Variants in GALNTL6 observed in about 807,000 individuals in gnomAD.
GALNTL6 encodes the protein polypeptide N-acetylgalactosaminyltransferase like 6.
GALNTL6 carries 46 observed loss-of-function variants against 73.7 expected under a neutral mutation model. The observed-to-expected ratio is 0.62, with a 90% CI of 0.49 to 0.80. The LOEUF (loss-of-function observed/expected upper bound fraction) is 0.80, where lower values mean the gene tolerates loss of function less well. Among genes scored for constraint, GALNTL6 ranks in the 30% least tolerant of loss-of-function variants. The pLI is 0.00. For synonymous variants in GALNTL6, 259 were observed against 263.7 expected, an observed-to-expected ratio of 0.98 and a Z score of 0.17; for missense variants, 604 against 755.0, an observed-to-expected ratio of 0.80 and a Z score of 2.34.
At chr4:172,823,327 A>T (rs989399817) in intron 7 of GALNTL6, among the ~76,000 whole-genome samples, 1 of 152,146 alleles carries the variant, frequency 6.6e-6, no homozygotes, top group African/African-American at 2.4e-5. Context: ...TTCCTTCTCA[A>T]TTCAACAACT....
At position 172,435,228 on chromosome 4, in the gene GALNTL6, T is replaced by G. The variant is rs1003583213; in HGVS notation, c.553+86539T>G. 8.5e-5 allele frequency among the ~76,000 whole-genome samples: 13 copies of G among 152,268 alleles called. No individual in the cohort carries two copies. In the South Asian group the frequency reaches 2.5e-3, roughly 29 times the overall value. Reference sequence around the variant, plus strand: ...TGCACTACTTTTAAATTTGCTCTCATGCTCAAAACTCTTTGGTAGTTCTCT... The same window carrying G: ...TGCACTACTTTTAAATTTGCTCTCAGGCTCAAAACTCTTTGGTAGTTCTCT... On this transcript the variant is annotated intron_variant, in intron 5 of 12. Transcript: ENST00000506823.
At chr4:172,590,784 G>A (rs995617015) in intron 5 of GALNTL6, among the ~76,000 whole-genome samples, 4 of 152,116 alleles carry the variant, frequency 2.6e-5, no homozygotes, top group Middle Eastern at 6.8e-3. Flanking sequence ...ATTTCTGCTT[G>A]GGAAAATTCA....
intron 2 of GALNTL6, among the ~76,000 whole-genome samples, chr4:171,821,569 T>C (rs1415648283): frequency 6.6e-6 from 1 of 151,944 alleles, no homozygotes; most frequent in African/African-American, 2.4e-5. Flanking sequence ...CAGGTGATGA[T>C]ACCTTTTTTG....
At chr4:172,277,207 G>A (rs1287906397) in intron 3 of GALNTL6, among the ~76,000 whole-genome samples, 1 of 151,988 alleles carries the variant, frequency 6.6e-6, no homozygotes, top group Non-Finnish European at 1.5e-5. Context: ...TATACTCAGT[G>A]AGGAGTGGAA....
chr4:172,259,127 G>T (rs187815993), intron 3 of GALNTL6, among the ~76,000 whole-genome samples: 17 of 151,184 alleles, frequency 1.1e-4, no homozygotes, highest in East Asian at 9.7e-4. Flanking sequence ...GTACCCAGGA[G>T]TCAATGACTG....
At chr4:172,889,944 C>A (rs1014193607) in intron 8 of GALNTL6, among the ~76,000 whole-genome samples, 10 of 152,114 alleles carry the variant, frequency 6.6e-5, no homozygotes, top group African/African-American at 2.4e-4. Context: ...CGATATTCGT[C>A]TATTCAGTAT....
At chr4:172,243,654 C>A (rs1198924242) in intron 3 of GALNTL6, among the ~76,000 whole-genome samples, 1 of 152,082 alleles carries the variant, frequency 6.6e-6, no homozygotes, top group Non-Finnish European at 1.5e-5. Flanking sequence ...CTGCAAATTG[C>A]CGTAGATGAA....
chr4:172,621,428 C>G lies in GALNTL6; in HGVS notation c.554-187933C>G, dbSNP rs150065866. Among the ~76,000 whole-genome samples, 7 of 152,114 alleles carry G rather than the reference C, an allele frequency of 4.6e-5. No individual in the cohort carries two copies. The East Asian group carries it at 1.3e-3, about 29-fold the overall frequency. On this transcript the variant is annotated intron_variant, in intron 5 of 12. Transcript: ENST00000506823. ...CTTTTAAAGATTCTGCAGGTTAGTT[C>G]TTGTCTTTCACAATTGCTAGTTGGG... is the stretch of plus-strand genomic sequence containing the variant.
At chr4:172,382,719 G>T (rs1383421591) in intron 5 of GALNTL6, among the ~76,000 whole-genome samples, 4 of 151,946 alleles carry the variant, frequency 2.6e-5, no homozygotes, top group Non-Finnish European at 4.4e-5. Context: ...TAAAAGTTTT[G>T]TAATTTTGGC....
At chr4:172,040,799 A>G (rs1742067129) in intron 2 of GALNTL6, among the ~76,000 whole-genome samples, 2 of 152,060 alleles carry the variant, frequency 1.3e-5, no homozygotes, top group East Asian at 3.9e-4. Flanking sequence ...CATTGCTTTC[A>G]CACTTTGATC....
intron 5 of GALNTL6, chr4:172,666,834 G>T (rs1435398684): frequency 1.3e-5 from 2 of 152,162 alleles, no homozygotes; most frequent in East Asian, 3.9e-4. Context: ...AGAAGCACTA[G>T]TCTACGCTGT....
intron 2 of GALNTL6, among the ~76,000 whole-genome samples, chr4:171,837,201 A>G (rs1735114757): frequency 6.6e-6 from 1 of 152,176 alleles, no homozygotes; most frequent in Non-Finnish European, 1.5e-5. Context: ...AAATAGTGAA[A>G]CAGCAGACAT....
intron 2 of GALNTL6, among the ~76,000 whole-genome samples, chr4:172,211,770 G>A (rs1485275308): frequency 1.3e-5 from 2 of 152,172 alleles, no homozygotes; most frequent in South Asian, 4.1e-4. Flanking sequence ...CAGTTAAAAG[G>A]GCATTCCTCA....
intron 5 of GALNTL6, among the ~76,000 whole-genome samples, chr4:172,494,110 G>T (rs765193661): frequency 2.9e-4 from 44 of 152,174 alleles, no homozygotes; most frequent in Non-Finnish European, 5.1e-4. Context: ...TATATTCTTT[G>T]TATATAGCAA....
At chr4:172,926,355 C>T (rs1001993508) in intron 8 of GALNTL6, among the ~76,000 whole-genome samples, 8 of 152,150 alleles carry the variant, frequency 5.3e-5, no homozygotes, top group African/African-American at 1.9e-4. Flanking sequence ...TGGATACAAA[C>T]ATTCAATCCA....
intron 2 of GALNTL6, among the ~76,000 whole-genome samples, chr4:172,010,554 G>A (rs975043579): frequency 6.6e-6 from 1 of 151,588 alleles, no homozygotes; most frequent in African/African-American, 2.4e-5. Flanking sequence ...TATAAAAGGA[G>A]AAAAATGGCC....
intron 2 of GALNTL6, among the ~76,000 whole-genome samples, chr4:171,973,646 T>A (rs1739634527): frequency 6.6e-6 from 1 of 152,168 alleles, no homozygotes; most frequent in Admixed American, 6.5e-5. Flanking sequence ...AAAGCTACAT[T>A]CTTGGGTACC....
chr4:172,738,297 G>C (rs564340896), intron 5 of GALNTL6, among the ~76,000 whole-genome samples: 3 of 152,246 alleles, frequency 2.0e-5, no homozygotes, highest in African/African-American at 7.2e-5. Flanking sequence ...TCCATCATCT[G>C]CTCAGTTTTT....
intron 10 of GALNTL6, among the ~76,000 whole-genome samples, chr4:172,966,326 C>T (rs963655008): frequency 2.6e-5 from 4 of 152,022 alleles, no homozygotes; most frequent in Non-Finnish European, 5.9e-5. Flanking sequence ...ACAAGAATAG[C>T]GCAGCCAATT....
Sources: allele counts gnomAD v4.1 joint callset (sites outside exome capture counted in the v4.1 genomes callset), GRCh38; gene constraint gnomAD v4.1.1; transcripts MANE v1.5; gene names NCBI Gene and HGNC (gene_info 2026-07-23, HGNC 2026-07-21).